Variants in NSUN4 observed in about 807,000 individuals in gnomAD.
NSUN4 encodes the protein NOP2/Sun RNA methyltransferase 4, also known as 5-cytosine rRNA methyltransferase NSUN4.
In NSUN4, 31 loss-of-function variants were observed where a neutral mutation model predicts 43.8. That is an observed-to-expected ratio of 0.71 (90% CI 0.53 to 0.96). NSUN4 has a LOEUF of 0.96. Among genes scored for constraint, NSUN4 ranks in the 40% least tolerant of loss-of-function variants. NSUN4 has a pLI of 0.00. For missense variants in NSUN4, 439 were observed against 475.6 expected, an observed-to-expected ratio of 0.92 and a Z score of 0.72; for synonymous variants, 167 against 184.1, an observed-to-expected ratio of 0.91 and a Z score of 0.75.
chr1:46,351,101 C>T (rs1423005070), intron 3 of NSUN4, among the ~76,000 whole-genome samples: 2 of 152,228 alleles, frequency 1.3e-5, no homozygotes, highest in African/African-American at 4.8e-5. Flanking sequence ...TGTGGTGGCT[C>T]ACACCTGTAA....
Position 46,353,006 on chromosome 1 carries a change from TGGA to T in NSUN4, c.734_736del (p.Glu245del). On this transcript the variant is annotated inframe_deletion, in exon 4 of 6. Coordinates refer to ENST00000474844, the MANE Select transcript of NSUN4 (RefSeq NM_199044.4). ...TGGGATGGCAGGAAATGGGGAGAACTGGAGGGGGACACCTATGACCGGGTGAGT... is the reference window on the plus strand; with the variant it reads ...TGGGATGGCAGGAAATGGGGAGAACTGGGGGACACCTATGACCGGGTGAGT... The T allele has an allele frequency of 6.2e-7, 1 of 1,614,124 alleles. No homozygotes were observed. The highest frequency in any genetic ancestry group is 1.7e-4 in the Middle Eastern group (1 of 6,060).
At chr1:46,357,812 G>GT (rs533613919) in intron 4 of NSUN4, among the ~76,000 whole-genome samples, 29 of 152,062 alleles carry the variant, frequency 1.9e-4, no homozygotes, top group Non-Finnish European at 4.3e-4. Context: ...GCATAGACAG[G>GT]TTTTGCTTTG....
chr1:46,361,982 G>A lies in NSUN4; in HGVS notation c.*136G>A, dbSNP rs1663914870. ...TGTTCGTGTCTTTCTGCAGTTTTCG[G>A]CAATAAGAAGTAGAAGATTTGCTGT... On this transcript the variant is annotated 3_prime_UTR_variant, in exon 6 of 6. Transcript: ENST00000474844. 4 of 793,436 alleles carry A rather than the reference G, an allele frequency of 5.0e-6. No homozygotes were observed. The highest frequency in any genetic ancestry group is 2.0e-6 in the Non-Finnish European group (1 of 507,966). 49.1% of individuals were successfully genotyped at this position (793,436 alleles called of 1,614,324 possible).
At chr1:46,347,699 G>C (rs1662613367) in intron 3 of NSUN4, among the ~76,000 whole-genome samples, 1 of 152,062 alleles carries the variant, frequency 6.6e-6, no homozygotes, top group Non-Finnish European at 1.5e-5. Flanking sequence ...CAACTAAAAT[G>C]ATAAGATCTG....
chr1:46,359,532 T>TA (rs1663651941), intron 4 of NSUN4, among the ~76,000 whole-genome samples: 1 of 149,870 alleles, frequency 6.7e-6, no homozygotes. Flanking sequence ...ACAAGAGCGC[T>TA]GCCACCACGC....
At chr1:46,353,950 G>A (rs1569756397) in intron 4 of NSUN4, among the ~76,000 whole-genome samples, 1 of 152,038 alleles carries the variant, frequency 6.6e-6, no homozygotes, top group Non-Finnish European at 1.5e-5. Flanking sequence ...CTCTGTGGAG[G>A]TTAAACCAGT....
intron 4 of NSUN4, among the ~76,000 whole-genome samples, chr1:46,358,699 A>C (rs72677594): frequency 0.22 from 34,011 of 151,618 alleles, 4,258 homozygotes; most frequent in Non-Finnish European, 0.29. Flanking sequence ...TGTGCCTGAC[A>C]CCTGTCAAAT....
chr1:46,361,521 A>G (rs1663869276), intron 5 of NSUN4, 49 bp from the exon 6 acceptor site: 2 of 1,561,242 alleles, frequency 1.3e-6, no homozygotes, highest in East Asian at 2.2e-5. Context: ...TTGCTCTTCT[A>G]CTGCTGGGAA....
the NSUN4 span, among the ~76,000 whole-genome samples, chr1:46,371,732 G>T: frequency 1.3e-5 from 2 of 152,154 alleles, no homozygotes; most frequent in South Asian, 2.1e-4. Context: ...GAGCCACCGC[G>T]CCTGACCAGG....
chr1:46,366,707 A>AG (rs1179140785), downstream of NSUN4, among the ~76,000 whole-genome samples: 30 of 142,286 alleles, frequency 2.1e-4, no homozygotes, highest in Non-Finnish European at 3.5e-4. Context: ...AAAAATACAA[A>AG]AAAAAAAAAA....
rs888291561 is a variant in NSUN4, at chr1:46,364,597, G to C, written c.*2751G>C. ...TGGAGCGGGAGAACTGCTTGAACCTGGGAGGTGGAGGTTTCAGTGAGCCAA... is the reference window on the plus strand; with the variant it reads ...TGGAGCGGGAGAACTGCTTGAACCTCGGAGGTGGAGGTTTCAGTGAGCCAA... On this transcript the variant is annotated 3_prime_UTR_variant, in exon 6 of 6. Transcript: ENST00000474844. 7.9e-5 allele frequency: 12 copies of C among 152,198 alleles called. No individual in the cohort carries two copies. Among genetic ancestry groups the C allele is most frequent in the African/African-American group, 2.9e-4 (12 of 41,428 alleles). 9.4% of individuals were successfully genotyped at this position (152,198 alleles called of 1,614,324 possible). A position where few individuals can be genotyped will look rare whatever the true frequency, so the allele number is the denominator to read the frequency against.
chr1:46,368,370 GA>G (rs1158730428), downstream of NSUN4, among the ~76,000 whole-genome samples: 1 of 152,136 alleles, frequency 6.6e-6, no homozygotes, highest in Non-Finnish European at 1.5e-5. Flanking sequence ...CTGATCTTAT[GA>G]TTTGTTTTGA....
Position 46,364,353 on chromosome 1 carries a change from A to AAAG in NSUN4, c.*2507_*2508insAAG, listed in dbSNP as rs1557747127. On this transcript the variant is annotated 3_prime_UTR_variant, in exon 6 of 6. Coordinates refer to ENST00000474844, the MANE Select transcript of NSUN4 (RefSeq NM_199044.4). ...GTCTCAAAAAAAAAAAAAAAAAAAA[A>AAAG]GGCATTGGGATTTATAATGTGCTGT... 1 of 149,676 alleles carries AAAG rather than the reference A, an allele frequency of 6.7e-6. No homozygotes were observed. The highest frequency in any genetic ancestry group is 6.7e-5 in the Admixed American group (1 of 14,884). The allele number at this position is 149,676 out of a possible 1,614,324, so 9.3% of individuals were successfully genotyped here.
intron 2 of NSUN4, 63 bp from the exon 3 acceptor site, chr1:46,346,858 C>T: frequency 1.4e-6 from 2 of 1,426,822 alleles, no homozygotes; most frequent in Non-Finnish European, 1.9e-6. Flanking sequence ...GACTTGGTGG[C>T]CTAGACTCCC....
At chr1:46,381,160 A>G in the NSUN4 span, among the ~76,000 whole-genome samples, 3 of 152,190 alleles carry the variant, frequency 2.0e-5, no homozygotes, top group African/African-American at 7.2e-5. Flanking sequence ...CCCAGAATCC[A>G]AGGCCCTCTG....
At chr1:46,359,208 C>T (rs912942497) in intron 4 of NSUN4, among the ~76,000 whole-genome samples, 2 of 151,904 alleles carry the variant, frequency 1.3e-5, no homozygotes, top group South Asian at 2.1e-4. Flanking sequence ...TGCAGTGAGC[C>T]GAGATCGTGC....
At chr1:46,381,731 A>C in the NSUN4 span, among the ~76,000 whole-genome samples, 1 of 152,194 alleles carries the variant, frequency 6.6e-6, no homozygotes, top group Non-Finnish European at 1.5e-5. Context: ...TGAGTTACCC[A>C]AGGTCATCCA....
At chr1:46,342,469 C>G (rs2148358256) in intron 1 of NSUN4, 1 of 399,190 alleles carries the variant, frequency 2.5e-6, no homozygotes, top group East Asian at 3.6e-5. Flanking sequence ...TGCCTGTGCC[C>G]CGGGAGTACT....
chr1:46,342,732 C>G, intron 1 of NSUN4: 1 of 399,090 alleles, frequency 2.5e-6, no homozygotes, highest in Non-Finnish European at 4.4e-6. Flanking sequence ...ACCCCCTCTT[C>G]CCACTCCAGT....
Sources: allele counts gnomAD v4.1 joint callset (sites outside exome capture counted in the v4.1 genomes callset), GRCh38; gene constraint gnomAD v4.1.1; transcripts MANE v1.5; gene names NCBI Gene and HGNC (gene_info 2026-07-23, HGNC 2026-07-21).